CDH18: variants seen among roughly 807,000 people sequenced by gnomAD.
The protein encoded by CDH18 is cadherin 18, also known as cadherin-18.
Under a neutral mutation model 67.9 loss-of-function variants are expected in CDH18, and 31 were observed. That is an observed-to-expected ratio of 0.46 (90% confidence interval 0.34 to 0.62). The LOEUF is 0.62. CDH18 is among the 20% of genes least tolerant of loss of function. The probability of loss-of-function intolerance (pLI) is 0.01; values close to 1 mark genes in which losing one functional copy is unlikely to be tolerated. For synonymous variants in CDH18, 362 were observed against 347.2 expected, an observed-to-expected ratio of 1.04 and a Z score of -0.48; for missense variants, 890 against 975.5, an observed-to-expected ratio of 0.91 and a Z score of 1.17.
At chr5:19,941,628 A>T (rs760426687) in intron 2 of CDH18, among the ~76,000 whole-genome samples, 1 of 151,972 alleles carries the variant, frequency 6.6e-6, no homozygotes, top group African/African-American at 2.4e-5. Flanking sequence ...ACAAAAAAGA[A>T]AAAAAAGAGT....
chr5:20,052,365 G>A (rs1741504777), intron 2 of CDH18, among the ~76,000 whole-genome samples: 1 of 151,984 alleles, frequency 6.6e-6, no homozygotes, highest in Non-Finnish European at 1.5e-5. Context: ...TTTCAATGGT[G>A]GGAAGATTGA....
chr5:20,572,782 A>C (rs2434778), intron 1 of CDH18, among the ~76,000 whole-genome samples: 4,503 of 152,238 alleles, frequency 0.03, 137 homozygotes, highest in East Asian at 0.15. Context: ...AATGGCTAAA[A>C]TGAGTAATCA....
At chr5:20,417,749 C>G (rs912211868) in intron 1 of CDH18, among the ~76,000 whole-genome samples, 7 of 152,156 alleles carry the variant, frequency 4.6e-5, no homozygotes, top group African/African-American at 1.7e-4. Context: ...GTCATATATT[C>G]CTGCAGATGA....
intron 2 of CDH18, among the ~76,000 whole-genome samples, chr5:19,894,889 TA>T (rs1388818840): frequency 6.6e-6 from 1 of 152,188 alleles, no homozygotes; most frequent in East Asian, 1.9e-4. Flanking sequence ...GGTTAGTCTT[TA>T]AGTCCTGAAA....
chr5:20,134,548 G>A (rs149286687), intron 2 of CDH18, among the ~76,000 whole-genome samples: 217 of 152,198 alleles, frequency 1.4e-3, no homozygotes, highest in African/African-American at 5.0e-3. Flanking sequence ...ATTAGAGTCT[G>A]TAACACATTA....
chr5:19,608,620 A>G (rs1748459846), intron 6 of CDH18, among the ~76,000 whole-genome samples: 1 of 151,868 alleles, frequency 6.6e-6, no homozygotes, highest in Non-Finnish European at 1.5e-5. Context: ...TATGGGAAAT[A>G]CTGCCATCTA....
At chr5:20,378,306 G>A (rs1743631793) in intron 1 of CDH18, among the ~76,000 whole-genome samples, 1 of 152,182 alleles carries the variant, frequency 6.6e-6, no homozygotes, top group Non-Finnish European at 1.5e-5. Context: ...CTAGTAGCTG[G>A]GACTACAGGC....
intron 2 of CDH18, among the ~76,000 whole-genome samples, chr5:19,935,272 C>G (rs193251528): frequency 4.6e-4 from 69 of 151,374 alleles, no homozygotes; most frequent in Non-Finnish European, 8.9e-4. Flanking sequence ...GATTTGACTA[C>G]TTTTAGTATG....
At chr5:20,417,190 A>G (rs552489760) in intron 1 of CDH18, among the ~76,000 whole-genome samples, 2 of 152,260 alleles carry the variant, frequency 1.3e-5, no homozygotes, top group Admixed American at 6.5e-5. Context: ...ATTTGCTGAT[A>G]GTTTGTAAGC....
intron 5 of CDH18, among the ~76,000 whole-genome samples, chr5:19,686,998 G>C (rs530904376): frequency 1.3e-5 from 2 of 152,144 alleles, no homozygotes; most frequent in Admixed American, 1.3e-4. Flanking sequence ...ACTTTAAGTA[G>C]AGTATCTAAG....
intron 2 of CDH18, among the ~76,000 whole-genome samples, chr5:20,119,655 G>T (rs1032873478): frequency 1.3e-5 from 2 of 152,158 alleles, no homozygotes; most frequent in African/African-American, 2.4e-5. Flanking sequence ...GCCACAGTGT[G>T]CACATTAAAT....
intron 2 of CDH18, among the ~76,000 whole-genome samples, chr5:20,062,090 T>G (rs1002046603): frequency 7.3e-5 from 11 of 151,320 alleles, no homozygotes; most frequent in Non-Finnish European, 1.6e-4. Flanking sequence ...GCTCAGTAAA[T>G]ACCCTAAAAT....
In CDH18 at chr5:20,531,888, A is replaced by T. The variant is rs1399571537; in HGVS notation, c.-580+43574T>A. Among the ~76,000 whole-genome samples the T allele has an allele frequency of 2.6e-5, 4 of 152,252 alleles. No homozygotes were observed. The East Asian group carries it at 7.7e-4, about 29-fold the overall frequency. On this transcript the variant is annotated intron_variant, in intron 1 of 14. Transcript: ENST00000507958. ...CTGCACATATAGCCTGGAACATAAAAATAATAAAATTAAAATTTAATTTAA... is the reference window on the plus strand; with the variant it reads ...CTGCACATATAGCCTGGAACATAAATATAATAAAATTAAAATTTAATTTAA...
intron 2 of CDH18, among the ~76,000 whole-genome samples, chr5:20,007,615 T>C (rs1737014139): frequency 6.7e-6 from 1 of 149,294 alleles, no homozygotes; most frequent in Admixed American, 6.7e-5. Context: ...AGAGAGAGAG[T>C]AGCGGGAGTT....
rs539207522 is a variant in CDH18 at position 19,530,523 on chromosome 5, G to A, written c.1391-9745C>T. On this transcript the variant is annotated intron_variant, in intron 9 of 12. Transcript: ENST00000382275. ...ATGTATACATGTGCCATGTTGGTGT[G>A]CTGCACCCATTAACTCGTCATTTAG... Among the ~76,000 whole-genome samples, 509 of 152,138 alleles carry A rather than the reference G, an allele frequency of 3.3e-3. 1 individual carries two copies. Among genetic ancestry groups the A allele is most frequent in the African/African-American group, 0.012 (478 of 41,498 alleles).
intron 9 of CDH18, among the ~76,000 whole-genome samples, chr5:19,538,961 C>A (rs1749820863): frequency 6.6e-6 from 1 of 152,146 alleles, no homozygotes; most frequent in Non-Finnish European, 1.5e-5. Context: ...ACCAGCTACC[C>A]TTCCAAAACA....
intron 6 of CDH18, among the ~76,000 whole-genome samples, chr5:19,593,252 T>C (rs142666563): frequency 6.6e-6 from 1 of 152,164 alleles, no homozygotes. Context: ...CTATATTCTG[T>C]AGACGCTACA....
chr5:20,258,357 T>C (rs1364752301), intron 1 of CDH18, among the ~76,000 whole-genome samples: 1 of 152,184 alleles, frequency 6.6e-6, no homozygotes, highest in Non-Finnish European at 1.5e-5. Flanking sequence ...CCAGTAACTA[T>C]TTCTTCATCC....
chr5:19,781,252 A>G (rs1375977885), intron 3 of CDH18, among the ~76,000 whole-genome samples: 1 of 152,172 alleles, frequency 6.6e-6, no homozygotes, highest in Non-Finnish European at 1.5e-5. Flanking sequence ...CAATCATCAA[A>G]GATGAATGCA....
Sources: gnomAD v4.1 joint callset for allele counts (sites outside exome capture counted in the v4.1 genomes callset) on GRCh38, gnomAD v4.1.1 for gene constraint, MANE v1.5 for transcripts, NCBI Gene and HGNC (gene_info 2026-07-23, HGNC 2026-07-21) for gene names.